The following RFTN1 variants were observed in gnomAD, a reference collection of about 807,000 sequenced individuals.
The protein encoded by RFTN1 is raftlin, lipid raft linker 1.
Under a neutral mutation model 46.5 loss-of-function variants are expected in RFTN1, and 26 were observed. That is an observed-to-expected ratio of 0.56 (90% CI 0.41 to 0.78). The LOEUF is 0.78. Among genes scored for constraint, RFTN1 ranks in the 30% least tolerant of loss-of-function variants. RFTN1 has a pLI of 0.00. For synonymous variants in RFTN1, 261 were observed against 284.2 expected, an observed-to-expected ratio of 0.92 and a Z score of 0.82; for missense variants, 693 against 718.7, an observed-to-expected ratio of 0.96 and a Z score of 0.41.
chr3:16,349,769 G>A (rs2071968296), intron 7 of RFTN1: 1 of 152,248 alleles, frequency 6.6e-6, no homozygotes, highest in African/African-American at 2.4e-5. Flanking sequence ...CTGAGAAAGA[G>A]AATCAGTAGG....
At chr3:16,439,443 C>T (rs563769880) in intron 2 of RFTN1, among the ~76,000 whole-genome samples, 4 of 152,318 alleles carry the variant, frequency 2.6e-5, no homozygotes, top group South Asian at 2.1e-4. Flanking sequence ...ATATAGCTCC[C>T]TCCCCATCTC....
chr3:16,394,050 T>C (rs993622955), intron 4 of RFTN1, among the ~76,000 whole-genome samples: 39 of 152,050 alleles, frequency 2.6e-4, no homozygotes, highest in African/African-American at 9.2e-4. Context: ...TAGTAGGCAA[T>C]CTTCTTAAAG....
intron 2 of RFTN1, among the ~76,000 whole-genome samples, chr3:16,438,152 T>C (rs2075551099): frequency 6.6e-6 from 1 of 152,232 alleles, no homozygotes; most frequent in African/African-American, 2.4e-5. Context: ...CAGTTCAATA[T>C]TCTTTAAATG....
intron 3 of RFTN1, among the ~76,000 whole-genome samples, chr3:16,415,104 A>G (rs1458574413): frequency 1.3e-5 from 2 of 152,048 alleles, no homozygotes; most frequent in Admixed American, 1.3e-4. Context: ...GATGGCTCAG[A>G]GTGGGTTGGC....
intron 2 of RFTN1, among the ~76,000 whole-genome samples, chr3:16,477,387 A>G (rs1274391450): frequency 6.6e-6 from 1 of 152,242 alleles, no homozygotes; most frequent in Non-Finnish European, 1.5e-5. Flanking sequence ...GAAAACAGCA[A>G]GAAGACACAA....
At position 16,451,256 on chromosome 3, in the gene RFTN1, C is replaced by T. The variant is rs772466304; in HGVS notation, c.146-17219G>A. On this transcript the variant is annotated intron_variant, in intron 2 of 9. Transcript: ENST00000334133. The surrounding 1 kb of genome is among the most constrained non-coding windows in gnomAD (Gnocchi z 4.2). Reference sequence around the variant, plus strand: ...TGCTGTCCTAGAAGTCAAGGGAAGACGGAACAGCAGAACGTCTCATCAGTG... The same window carrying T: ...TGCTGTCCTAGAAGTCAAGGGAAGATGGAACAGCAGAACGTCTCATCAGTG... Among the ~76,000 whole-genome samples, 10 of 152,136 alleles carry T rather than the reference C, an allele frequency of 6.6e-5. No homozygotes were observed. Among genetic ancestry groups the T allele is most frequent in the African/African-American group, 1.4e-4 (6 of 41,430 alleles).
chr3:16,402,139 C>G lies in RFTN1; in HGVS notation c.441+7236G>C, dbSNP rs548309471. Among the ~76,000 whole-genome samples the G allele has an allele frequency of 6.6e-6, 1 of 152,336 alleles. No homozygotes were observed. Among genetic ancestry groups the G allele is most frequent in the African/African-American group, 2.4e-5 (1 of 41,574 alleles). On this transcript the variant is annotated intron_variant, in intron 4 of 9. Transcript: ENST00000334133. The surrounding 1 kb of genome is among the most constrained non-coding windows in gnomAD (Gnocchi z 4.5). ...CCCCCAGGGCTCCTCATGCTGTGTT[C>G]TTGGTCCTTACAGATGACCCCATCT...
intron 9 of RFTN1, among the ~76,000 whole-genome samples, chr3:16,319,684 T>G (rs1332418275): frequency 3.3e-5 from 5 of 152,206 alleles, no homozygotes; most frequent in Non-Finnish European, 5.9e-5. Flanking sequence ...GAAGATCACA[T>G]CTTGTTGATC....
intron 6 of RFTN1, among the ~76,000 whole-genome samples, chr3:16,369,739 C>T (rs1288669516): frequency 6.6e-6 from 1 of 152,150 alleles, no homozygotes; most frequent in Non-Finnish European, 1.5e-5. Flanking sequence ...CTTTGGAATG[C>T]CACAATCCCA....
At chr3:16,393,342 G>T (rs1030173217) in intron 4 of RFTN1, among the ~76,000 whole-genome samples, 1 of 152,180 alleles carries the variant, frequency 6.6e-6, no homozygotes, top group African/African-American at 2.4e-5. Flanking sequence ...TATGTTCACT[G>T]CCAAGAGTGG....
At chr3:16,495,773 A>C (rs2076614442) in intron 1 of RFTN1, among the ~76,000 whole-genome samples, 1 of 152,236 alleles carries the variant, frequency 6.6e-6, no homozygotes, top group Non-Finnish European at 1.5e-5. Flanking sequence ...AATTCGAAAA[A>C]GGTGCCCCCT....
chr3:16,425,965 C>A lies in RFTN1; in HGVS notation c.332+7886G>T, dbSNP rs944955289. Among the ~76,000 whole-genome samples the A allele has an allele frequency of 6.6e-6, 1 of 152,088 alleles. No individual in the cohort carries two copies. The highest frequency in any genetic ancestry group is 6.6e-5 in the Admixed American group (1 of 15,260). On this transcript the variant is annotated intron_variant, in intron 3 of 9. Coordinates refer to ENST00000334133, the MANE Select transcript of RFTN1 (RefSeq NM_015150.2). This position sits in a 1 kb window ranked among gnomAD's most constrained non-coding sequence, Gnocchi z 4.3. ...AGAAACGAGGGGCAGCTGCCAGCAA[C>A]GGGTGTTCGCCCCACCTAAATCGGA... is the stretch of plus-strand genomic sequence containing the variant.
At chr3:16,469,136 A>G (rs969524340) in intron 2 of RFTN1, among the ~76,000 whole-genome samples, 6 of 152,266 alleles carry the variant, frequency 3.9e-5, no homozygotes, top group African/African-American at 1.4e-4. Flanking sequence ...GAAGAAGTCA[A>G]GGGCATAGCT....
At position 16,407,356 on chromosome 3, in the gene RFTN1, A is replaced by C. The variant is rs144463385; in HGVS notation, c.441+2019T>G. 1.3e-4 allele frequency among the ~76,000 whole-genome samples: 20 copies of C among 150,000 alleles called. No individual in the cohort carries two copies. The highest frequency in any genetic ancestry group is 4.4e-4 in the African/African-American group (18 of 40,856). On this transcript the variant is annotated intron_variant, in intron 4 of 9. Transcript: ENST00000334133. This position sits in a 1 kb window ranked among gnomAD's most constrained non-coding sequence, Gnocchi z 4.0. ...CACCACCATGCTCGGCTTTTTAAAG[A>C]GACTTTTTTTTTTTTGGCAGAGATG...
At chr3:16,377,056 T>C (rs545982505) in intron 5 of RFTN1, among the ~76,000 whole-genome samples, 40 of 152,142 alleles carry the variant, frequency 2.6e-4, no homozygotes, top group African/African-American at 9.2e-4. Flanking sequence ...CTAGATTTCC[T>C]GGAGAAAGGG....
rs1399710909 is a variant in RFTN1, at chr3:16,427,056, A to T, written c.332+6795T>A. 6.6e-6 allele frequency among the ~76,000 whole-genome samples: 1 copy of T among 152,198 alleles called. No individual in the cohort carries two copies. The highest frequency in any genetic ancestry group is 2.4e-5 in the African/African-American group (1 of 41,444). ...GGATAAGCAGCTCAAAGGGTGTGTG[A>T]TTACCTCTACTGATGTAAGCACTAC... On this transcript the variant is annotated intron_variant, in intron 3 of 9. Coordinates refer to ENST00000334133, the MANE Select transcript of RFTN1 (RefSeq NM_015150.2). The surrounding 1 kb of genome is among the most constrained non-coding windows in gnomAD (Gnocchi z 5.4).
chr3:16,375,692 C>T (rs2073741005), intron 5 of RFTN1, among the ~76,000 whole-genome samples: 4 of 152,164 alleles, frequency 2.6e-5, no homozygotes, highest in Admixed American at 2.6e-4. Flanking sequence ...CAGTGTTTAC[C>T]TGCCTAGGGA....
chr3:16,465,705 C>T lies in RFTN1; in HGVS notation c.145+28020G>A, dbSNP rs1263185114. ...AAATTATCACACCCACCAAAAAGAC[C>T]TGCTGGGGACAGCTAATCTTTTTCT... On this transcript the variant is annotated intron_variant, in intron 2 of 9. Transcript: ENST00000334133. The surrounding 1 kb of genome is among the most constrained non-coding windows in gnomAD (Gnocchi z 5.1). 3.3e-5 allele frequency among the ~76,000 whole-genome samples: 5 copies of T among 152,166 alleles called. No individual in the cohort carries two copies. The highest frequency in any genetic ancestry group is 1.9e-4 in the East Asian group (1 of 5,198).
At chr3:16,378,274 A>G (rs563294347) in intron 4 of RFTN1, among the ~76,000 whole-genome samples, 172 bp from the exon 5 acceptor site, 1 of 152,378 alleles carries the variant, frequency 6.6e-6, no homozygotes, top group East Asian at 1.9e-4. Flanking sequence ...CCCACACCCT[A>G]GTCTGAAGAA....
Sources: allele counts gnomAD v4.1 joint callset (sites outside exome capture counted in the v4.1 genomes callset), GRCh38; gene constraint gnomAD v4.1.1; non-coding constraint Gnocchi (gnomAD v3.1); transcripts MANE v1.5; gene names NCBI Gene and HGNC (gene_info 2026-07-23, HGNC 2026-07-21).